Variants in KSR2 observed in about 807,000 individuals in gnomAD.
KSR2 encodes kinase suppressor of ras 2.
In KSR2, 25 loss-of-function variants were observed where a neutral mutation model predicts 107.8. The ratio of observed to expected loss-of-function variants is 0.23; its 90% CI spans 0.17 to 0.32. The LOEUF is 0.32. Among genes scored for constraint, KSR2 ranks in the 10% least tolerant of loss-of-function variants. The pLI is 1.00. For synonymous variants in KSR2, 480 were observed against 507.0 expected (o/e 0.95, Z 0.71); for missense variants, 887 against 1,268.9 (o/e 0.70, Z 4.57).
intron 5 of KSR2, among the ~76,000 whole-genome samples, chr12:117,583,339 A>G (rs1161591338): frequency 1.4e-4 from 18 of 129,072 alleles, no homozygotes; most frequent in African/African-American, 5.1e-4. Context: ...ATGGATAGAT[A>G]GATGGATGGG....
chr12:117,801,901 A>G (rs944592314), intron 3 of KSR2, among the ~76,000 whole-genome samples: 1 of 152,128 alleles, frequency 6.6e-6, no homozygotes. Flanking sequence ...GAAGAATTGT[A>G]TATGACCAGG....
intron 3 of KSR2, among the ~76,000 whole-genome samples, chr12:117,802,025 T>G (rs1193981585): frequency 6.6e-6 from 1 of 152,160 alleles, no homozygotes; most frequent in Non-Finnish European, 1.5e-5. Flanking sequence ...ACAATAAGAT[T>G]AGGGGCTTAA....
At chr12:117,535,991 A>C (rs1025386647) in intron 10 of KSR2, among the ~76,000 whole-genome samples, 3 of 152,122 alleles carry the variant, frequency 2.0e-5, no homozygotes, top group Non-Finnish European at 4.4e-5. Flanking sequence ...GGACTCAGGG[A>C]AAGGCTGATA....
chr12:117,483,927 A>G (rs1245115569), intron 16 of KSR2, among the ~76,000 whole-genome samples: 1 of 152,208 alleles, frequency 6.6e-6, no homozygotes, highest in Admixed American at 6.5e-5. Flanking sequence ...CAAGGAAACT[A>G]AAGTTCAGAG....
chr12:117,479,594 T>C (rs1002502493), intron 16 of KSR2, among the ~76,000 whole-genome samples: 15 of 152,202 alleles, frequency 9.9e-5, no homozygotes, highest in Non-Finnish European at 1.9e-4. Flanking sequence ...CATCATCAAA[T>C]GTCCCCTGGA....
chr12:117,473,627 C>T lies in KSR2; in HGVS notation c.2583-2307G>A, dbSNP rs188628288. On this transcript the variant is annotated intron_variant, in intron 17 of 19. Transcript: ENST00000339824. The stretch of plus-strand genomic sequence containing the variant: ...AGACTCATCCACCACTCATGTGAAA[C>T]GGGGAAGGGTGTTTTGAGTTATTCC... Among the ~76,000 whole-genome samples, 12 of 152,292 alleles carry T rather than the reference C, an allele frequency of 7.9e-5. No homozygotes were observed. The East Asian group carries it at 1.7e-3, about 22-fold the overall frequency.
intron 7 of KSR2, among the ~76,000 whole-genome samples, chr12:117,578,322 G>A (rs1484490062): frequency 3.9e-5 from 6 of 152,142 alleles, no homozygotes; most frequent in African/African-American, 1.4e-4. Context: ...AGCCAGGCAC[G>A]GTGGCTCCCG....
intron 1 of KSR2, among the ~76,000 whole-genome samples, chr12:117,966,760 A>G (rs1896810393): frequency 6.6e-6 from 1 of 151,868 alleles, no homozygotes; most frequent in Non-Finnish European, 1.5e-5. Context: ...AAATTTAAAA[A>G]TCACGGAAAA....
chr12:117,708,431 T>C (rs1342777178), intron 4 of KSR2, among the ~76,000 whole-genome samples: 2 of 152,114 alleles, frequency 1.3e-5, no homozygotes, highest in East Asian at 1.9e-4. Flanking sequence ...CACCAGAACC[T>C]GAATCTAGCC....
chr12:117,840,699 T>A (rs1411522407), intron 3 of KSR2, among the ~76,000 whole-genome samples: 1 of 151,640 alleles, frequency 6.6e-6, no homozygotes, highest in Non-Finnish European at 1.5e-5. Flanking sequence ...CCTGTCCCCA[T>A]GCAGCTGTTT....
intron 1 of KSR2, among the ~76,000 whole-genome samples, chr12:117,881,003 C>T (rs1339706588): frequency 1.3e-5 from 2 of 151,396 alleles, no homozygotes; most frequent in African/African-American, 4.9e-5. Flanking sequence ...GAGTCTCACT[C>T]TATCACCCAG....
chr12:117,851,719 C>T lies in KSR2; in HGVS notation c.472+3709G>A, dbSNP rs182010711. 4.2e-3 allele frequency among the ~76,000 whole-genome samples: 637 copies of T among 152,042 alleles called. 2 individuals carry two copies. The highest frequency in any genetic ancestry group is 6.1e-3 in the Non-Finnish European group (418 of 67,994). On this transcript the variant is annotated intron_variant, in intron 3 of 19. Transcript: ENST00000339824. ...CAGCCTAGCCAACATAGGGAAACCC[C>T]GCCTCTACTAAAAATACAAAAATTA...
chr12:117,839,650 A>G (rs1000075364), intron 3 of KSR2, among the ~76,000 whole-genome samples: 1 of 152,154 alleles, frequency 6.6e-6, no homozygotes, highest in Non-Finnish European at 1.5e-5. Context: ...TAACTGCCCA[A>G]TGACTATGGC....
At chr12:117,667,969 G>A (rs1187093231) in intron 4 of KSR2, among the ~76,000 whole-genome samples, 4 of 152,082 alleles carry the variant, frequency 2.6e-5, no homozygotes, top group African/African-American at 4.8e-5. Flanking sequence ...CTCCAATCCC[G>A]CAACTTTTGC....
At chr12:117,719,067 G>A (rs1839856314) in intron 4 of KSR2, among the ~76,000 whole-genome samples, 1 of 152,196 alleles carries the variant, frequency 6.6e-6, no homozygotes, top group Non-Finnish European at 1.5e-5. Flanking sequence ...ATGGCCTGTG[G>A]AGAAACATCT....
intron 7 of KSR2, among the ~76,000 whole-genome samples, chr12:117,577,721 G>A (rs816198): frequency 0.48 from 73,506 of 151,878 alleles, 17,770 homozygotes; most frequent in African/African-American, 0.5. Context: ...ATCCCATGAG[G>A]CTTATTCACG....
rs772270920 is a variant in KSR2 at position 117,761,089 on chromosome 12, G to A, written c.908C>T (p.Pro303Leu). 1 of 1,613,756 alleles carries A rather than the reference G, an allele frequency of 6.2e-7. No individual in the cohort carries two copies. The highest frequency in any genetic ancestry group is 1.7e-5 in the Admixed American group (1 of 60,020). Residue 303 changes from proline to leucine, a missense_variant, in exon 4 of 20, where the codon CCG becomes CTG. This residue lies in a region of KSR2 where 399 missense variants were observed against 479.5 expected (regional missense o/e 0.83). Transcript: ENST00000339824. ...PSSRKLIHLIPGFTALHRSKS... is the reference protein window; with the variant it reads ...PSSRKLIHLILGFTALHRSKS... Reference sequence around the variant, plus strand: ...GCTCCGATGCAGCGCGGTGAATCCCGGGATCAAGTGTATCAGTTTTCGGGA... The same window carrying A: ...GCTCCGATGCAGCGCGGTGAATCCCAGGATCAAGTGTATCAGTTTTCGGGA...
chr12:117,524,483 T>C (rs1033666295), intron 14 of KSR2, among the ~76,000 whole-genome samples: 6 of 151,976 alleles, frequency 3.9e-5, no homozygotes, highest in East Asian at 1.9e-4. Flanking sequence ...CTGGGCAACA[T>C]AGCAAGACCC....
chr12:117,591,147 C>A (rs1375833546), intron 5 of KSR2, among the ~76,000 whole-genome samples: 2 of 152,152 alleles, frequency 1.3e-5, no homozygotes, highest in Admixed American at 6.5e-5. Context: ...GTTCTTTCAA[C>A]CCCTCACTGT....
Sources: allele counts gnomAD v4.1 joint callset (sites outside exome capture counted in the v4.1 genomes callset), GRCh38; gene constraint gnomAD v4.1.1; regional missense constraint gnomAD v4.1.1; transcripts MANE v1.5; gene names NCBI Gene and HGNC (gene_info 2026-07-23, HGNC 2026-07-21).